The following SORCS2 variants were observed in gnomAD, a reference collection of about 807,000 sequenced individuals.
SORCS2 encodes VPS10 domain-containing receptor SorCS2.
SORCS2 carries 100 observed loss-of-function variants against 141.6 expected under a neutral mutation model. The observed-to-expected ratio is 0.71, with a 90% CI of 0.60 to 0.83. The LOEUF is 0.83. Ranked by LOEUF, SORCS2 falls within the 40% of genes least tolerant of loss-of-function variation. SORCS2 has a pLI of 0.00. For missense variants in SORCS2, 1,646 were observed against 1,560.2 expected (o/e 1.05, Z -0.93); for synonymous variants, 789 against 676.9 (o/e 1.17, Z -2.57).
chr4:7,437,198 A>C (rs1727362812), intron 2 of SORCS2, among the ~76,000 whole-genome samples: 1 of 152,212 alleles, frequency 6.6e-6, no homozygotes, highest in Admixed American at 6.5e-5. Flanking sequence ...ACTTCTGACG[A>C]AGTGGCTATA....
At chr4:7,698,383 T>C (rs962435408) in intron 12 of SORCS2, among the ~76,000 whole-genome samples, 1 of 152,188 alleles carries the variant, frequency 6.6e-6, no homozygotes, top group Non-Finnish European at 1.5e-5. Flanking sequence ...GCAGCCTGGG[T>C]TGAAGGCCTT....
intron 2 of SORCS2, among the ~76,000 whole-genome samples, chr4:7,524,706 C>T (rs567701738): frequency 1.3e-5 from 2 of 152,138 alleles, no homozygotes; most frequent in East Asian, 3.9e-4. Flanking sequence ...GCAGTGCCTC[C>T]TTAACCGCAT....
intron 2 of SORCS2, among the ~76,000 whole-genome samples, chr4:7,515,440 G>C (rs1222331178): frequency 1.3e-5 from 2 of 152,172 alleles, no homozygotes; most frequent in Non-Finnish European, 2.9e-5. Flanking sequence ...GGGTGGCCTT[G>C]GGCAAGCTGG....
intron 1 of SORCS2, among the ~76,000 whole-genome samples, chr4:7,298,188 C>T (rs1717205904): frequency 6.6e-6 from 1 of 152,156 alleles, no homozygotes; most frequent in African/African-American, 2.4e-5. Context: ...ATGCAAGACC[C>T]CCTGGGGTCC....
chr4:7,453,178 C>G (rs1286776796), intron 2 of SORCS2, among the ~76,000 whole-genome samples: 2 of 117,174 alleles, frequency 1.7e-5, no homozygotes, highest in African/African-American at 3.4e-5. Context: ...GGGTCAGGCT[C>G]TGTGTTGGGG....
intron 4 of SORCS2, among the ~76,000 whole-genome samples, chr4:7,643,778 T>C (rs758817801): frequency 1.1e-4 from 16 of 152,128 alleles, no homozygotes; most frequent in Non-Finnish European, 2.2e-4. Context: ...AGGAGAGCCC[T>C]AATATTGAGT....
At chr4:7,499,785 G>C (rs1484324487) in intron 2 of SORCS2, among the ~76,000 whole-genome samples, 1 of 152,074 alleles carries the variant, frequency 6.6e-6, no homozygotes, top group Non-Finnish European at 1.5e-5. Context: ...TTAAATCACT[G>C]CTTGGCAAGG....
chr4:7,280,812 A>C (rs572711288), intron 1 of SORCS2, among the ~76,000 whole-genome samples: 1 of 152,240 alleles, frequency 6.6e-6, no homozygotes, highest in African/African-American at 2.4e-5. Context: ...CGCTACAATG[A>C]ATGAATGAAT....
intron 2 of SORCS2, among the ~76,000 whole-genome samples, chr4:7,424,099 G>T (rs1240362528): frequency 2.6e-5 from 4 of 152,152 alleles, no homozygotes; most frequent in African/African-American, 9.7e-5. Flanking sequence ...CCAGGACCTT[G>T]GTCCCTGGCC....
chr4:7,538,426 C>T (rs1712304887), intron 3 of SORCS2, among the ~76,000 whole-genome samples: 1 of 152,222 alleles, frequency 6.6e-6, no homozygotes, highest in African/African-American at 2.4e-5. Flanking sequence ...TTCCTTCCCA[C>T]TTGGCCCCAG....
chr4:7,591,076 C>T (rs997231157), intron 3 of SORCS2, among the ~76,000 whole-genome samples: 2 of 152,186 alleles, frequency 1.3e-5, no homozygotes, highest in East Asian at 1.9e-4. Flanking sequence ...AGGAAACTGA[C>T]GCTCATAGCG....
chr4:7,646,511 T>G (rs922301903), intron 4 of SORCS2, among the ~76,000 whole-genome samples: 4 of 151,864 alleles, frequency 2.6e-5, no homozygotes, highest in Non-Finnish European at 4.4e-5. Context: ...GCGGGAGTGG[T>G]GGTGCACACT....
chr4:7,491,142 T>A (rs926646188), intron 2 of SORCS2, among the ~76,000 whole-genome samples: 2 of 152,132 alleles, frequency 1.3e-5, no homozygotes, highest in African/African-American at 4.8e-5. Context: ...AGTTCTAAGT[T>A]CCCTGTACCC....
intron 19 of SORCS2, among the ~76,000 whole-genome samples, chr4:7,724,115 ATGG>A (rs757064728): frequency 0.22 from 31,881 of 144,862 alleles, 3,805 homozygotes; most frequent in Admixed American, 0.39. Flanking sequence ...AGTGGTGGTG[ATGG>A]TGGTGGTGGT....
At chr4:7,677,696 G>GCAGT (rs1723253385) in intron 9 of SORCS2, among the ~76,000 whole-genome samples, 6 of 152,340 alleles carry the variant, frequency 3.9e-5, no homozygotes, top group Admixed American at 3.9e-4. Context: ...GACAGCAGCA[G>GCAGT]CAGAACTGTG....
At chr4:7,482,845 T>C (rs1730737467) in intron 2 of SORCS2, among the ~76,000 whole-genome samples, 1 of 151,502 alleles carries the variant, frequency 6.6e-6, no homozygotes, top group Admixed American at 6.6e-5. Context: ...TGTTCAGACC[T>C]GTATCCCCGC....
intron 2 of SORCS2, among the ~76,000 whole-genome samples, chr4:7,492,706 G>T: frequency 6.6e-6 from 1 of 152,326 alleles, no homozygotes; most frequent in African/African-American, 2.4e-5. Flanking sequence ...CTGCTGACAA[G>T]CATACCTGAA....
chr4:7,565,789 A>G (rs1180356785), intron 3 of SORCS2, among the ~76,000 whole-genome samples: 1 of 149,440 alleles, frequency 6.7e-6, no homozygotes, highest in Non-Finnish European at 1.5e-5. Context: ...GTGATGATGG[A>G]TATGATGATG....
chr4:7,553,575 C>T (rs1204181016), intron 3 of SORCS2, among the ~76,000 whole-genome samples: 1 of 152,160 alleles, frequency 6.6e-6, no homozygotes, highest in Non-Finnish European at 1.5e-5. Context: ...ATGAGACTGC[C>T]TGGAAAACAT....
Sources: allele counts gnomAD v4.1 joint callset (sites outside exome capture counted in the v4.1 genomes callset), GRCh38; gene constraint gnomAD v4.1.1; transcripts MANE v1.5; gene names NCBI Gene and HGNC (gene_info 2026-07-23, HGNC 2026-07-21).